Variants in CNIH3 observed in about 807,000 individuals in gnomAD.
The protein encoded by CNIH3 is protein cornichon homolog 3.
CNIH3 carries 14 observed loss-of-function variants against 24.1 expected under a neutral mutation model. The ratio of observed to expected loss-of-function variants is 0.58; its 90% CI spans 0.38 to 0.91. The LOEUF is 0.91. Ranked by LOEUF, CNIH3 falls within the 40% of genes least tolerant of loss-of-function variation. The pLI, the probability that CNIH3 is intolerant of heterozygous loss-of-function variation, is 0.00. For missense variants in CNIH3, 178 were observed against 196.8 expected (o/e 0.90, Z 0.57); for synonymous variants, 68 against 73.8 (o/e 0.92, Z 0.40).
At chr1:224,483,257 C>G (rs931784976) in intron 1 of CNIH3, among the ~76,000 whole-genome samples, 19 of 152,098 alleles carry the variant, frequency 1.2e-4, no homozygotes, top group Admixed American at 1.2e-3. Flanking sequence ...GGCTGAGGCA[C>G]AAGAATTGCT....
intron 1 of CNIH3, among the ~76,000 whole-genome samples, chr1:224,630,903 C>T (rs956048842): frequency 2.0e-5 from 3 of 151,966 alleles, no homozygotes; most frequent in Admixed American, 6.6e-5. Context: ...CTGTAAAAAC[C>T]GAATCCCAGC....
intron 3 of CNIH3, among the ~76,000 whole-genome samples, chr1:224,548,354 C>G (rs1679784077): frequency 6.6e-6 from 1 of 151,672 alleles, no homozygotes; most frequent in Non-Finnish European, 1.5e-5. Context: ...GGGTGTACAC[C>G]CTGTGATATG....
chr1:224,728,012 A>G (rs1272628508), intron 3 of CNIH3, among the ~76,000 whole-genome samples: 5 of 152,310 alleles, frequency 3.3e-5, no homozygotes, highest in Admixed American at 6.5e-5. Flanking sequence ...CAGCCTCCAC[A>G]ATAAATCAAG....
chr1:224,650,416 G>A (rs952757161), intron 1 of CNIH3, among the ~76,000 whole-genome samples: 1 of 152,176 alleles, frequency 6.6e-6, no homozygotes, highest in Non-Finnish European at 1.5e-5. Context: ...ATTAATACTT[G>A]GAGTAAGGCT....
chr1:224,546,937 A>C, exon 3 of CNIH3: 1 of 983,718 alleles, frequency 1.0e-6, no homozygotes, highest in Non-Finnish European at 1.2e-6. Context: ...GACTGTGACT[A>C]TGGTAAGCCA....
intron 1 of CNIH3, among the ~76,000 whole-genome samples, chr1:224,482,831 T>C (rs939231611): frequency 4.6e-5 from 7 of 152,082 alleles, no homozygotes; most frequent in African/African-American, 1.7e-4. Context: ...AGTTGTACTC[T>C]TTATGGCCTA....
intron 2 of CNIH3, among the ~76,000 whole-genome samples, chr1:224,526,726 T>C (rs1678861320): frequency 6.6e-6 from 1 of 152,314 alleles, no homozygotes; most frequent in East Asian, 1.9e-4. Flanking sequence ...AAGAAACACC[T>C]GAGACTGGGT....
At chr1:224,668,077 A>G (rs976610135) in intron 1 of CNIH3, among the ~76,000 whole-genome samples, 1 of 152,246 alleles carries the variant, frequency 6.6e-6, no homozygotes, top group Non-Finnish European at 1.5e-5. Context: ...ACATAAACCA[A>G]TAATTGCCAA....
At chr1:224,446,533 A>G (rs1675172747) in intron 1 of CNIH3, among the ~76,000 whole-genome samples, 1 of 152,090 alleles carries the variant, frequency 6.6e-6, no homozygotes, top group Non-Finnish European at 1.5e-5. Context: ...CGTAAATGGT[A>G]TGTTTAAAAT....
chr1:224,506,659 A>G (rs965838399), intron 1 of CNIH3, among the ~76,000 whole-genome samples: 1 of 152,178 alleles, frequency 6.6e-6, no homozygotes, highest in Admixed American at 6.5e-5. Flanking sequence ...AGGGCAGCCA[A>G]CAAGCCACGT....
intron 3 of CNIH3, among the ~76,000 whole-genome samples, chr1:224,606,064 C>T (rs150077776): frequency 2.0e-5 from 3 of 152,198 alleles, no homozygotes; most frequent in South Asian, 2.1e-4. Context: ...GTGCTGGGGC[C>T]GGGATGAGTG....
intron 1 of CNIH3, among the ~76,000 whole-genome samples, chr1:224,670,585 C>G (rs1685815519): frequency 1.3e-5 from 2 of 152,214 alleles, no homozygotes; most frequent in South Asian, 4.1e-4. Context: ...CTCTTCTTCT[C>G]TGGTCCTGAG....
At chr1:224,497,157 T>C (rs1470702183) in intron 1 of CNIH3, among the ~76,000 whole-genome samples, 1 of 152,190 alleles carries the variant, frequency 6.6e-6, no homozygotes, top group East Asian at 1.9e-4. Context: ...ATATGAAATG[T>C]TCAAATAGGC....
chr1:224,684,832 C>T lies in CNIH3; in HGVS notation c.187C>T (p.Leu63Phe), dbSNP rs753154379. 8.1e-6 allele frequency: 13 copies of T among 1,613,990 alleles called. No homozygotes were observed. Among genetic ancestry groups the T allele is most frequent in the African/African-American group, 2.7e-5 (2 of 74,936 alleles). ...RLRNIERICF[L>F]LRKLVLPEYS... is the part of the protein sequence containing the mutation. Reference sequence around the variant, plus strand: ...GAGGAACATCGAGCGCATCTGCTTCCTTCTGCGAAAGGTCAGTGTGGCAGC... The same window carrying T: ...GAGGAACATCGAGCGCATCTGCTTCTTTCTGCGAAAGGTCAGTGTGGCAGC... The change falls in exon 3 of 6, where the codon CTT (leucine) becomes TTT (phenylalanine). Residue 63 changes from leucine (L) to phenylalanine (F), a missense_variant. Leu to Phe is a conservative substitution (Grantham distance 22). Transcript: ENST00000272133. This position sits in a 1 kb window ranked among gnomAD's most constrained non-coding sequence, Gnocchi z 4.2.
intron 1 of CNIH3, among the ~76,000 whole-genome samples, chr1:224,500,443 A>T (rs1677607268): frequency 6.6e-6 from 1 of 152,158 alleles, no homozygotes; most frequent in African/African-American, 2.4e-5. Context: ...AGGCCGAGGC[A>T]GGCAGATAGC....
intron 1 of CNIH3, among the ~76,000 whole-genome samples, chr1:224,446,641 T>A (rs1675177758): frequency 6.6e-6 from 1 of 152,230 alleles, no homozygotes; most frequent in African/African-American, 2.4e-5. Context: ...AGTCTTGAGT[T>A]AAGGAGCTTC....
chr1:224,580,069 C>A (rs1681207214), intron 4 of CNIH3, among the ~76,000 whole-genome samples: 1 of 152,134 alleles, frequency 6.6e-6, no homozygotes, highest in Non-Finnish European at 1.5e-5. Flanking sequence ...TATCCCTACC[C>A]TCAGCTGTGC....
chr1:224,585,278 C>T (rs908934067), intron 5 of CNIH3, among the ~76,000 whole-genome samples: 8 of 152,098 alleles, frequency 5.3e-5, no homozygotes, highest in African/African-American at 9.7e-5. Context: ...TCTCCTCTAC[C>T]GCAAAGCCTT....
intron 4 of CNIH3, among the ~76,000 whole-genome samples, chr1:224,580,522 G>A (rs562875727): frequency 4.6e-5 from 7 of 152,286 alleles, no homozygotes; most frequent in Admixed American, 6.5e-5. Context: ...AAAGGAGGTC[G>A]CATTCTTCTG....
Sources: gnomAD v4.1 joint callset for allele counts (sites outside exome capture counted in the v4.1 genomes callset) on GRCh38, gnomAD v4.1.1 for gene constraint, Gnocchi (gnomAD v3.1) non-coding constraint, MANE v1.5 for transcripts, NCBI Gene and HGNC (gene_info 2026-07-23, HGNC 2026-07-21) for gene names.